Variants in ARHGAP20 observed in about 807,000 individuals in gnomAD.
ARHGAP20 encodes rho GTPase-activating protein 20.
A neutral mutation model predicts 73.7 loss-of-function variants in ARHGAP20; 34 were observed. That is an observed-to-expected ratio of 0.46 (90% CI 0.35 to 0.61). ARHGAP20 has a LOEUF of 0.61. Among genes scored for constraint, ARHGAP20 ranks in the 20% least tolerant of loss-of-function variants. ARHGAP20 has a pLI of 0.00. For synonymous variants in ARHGAP20, 523 were observed against 518.2 expected, an observed-to-expected ratio of 1.01 and a Z score of -0.13; for missense variants, 1,314 against 1,420.9, an observed-to-expected ratio of 0.92 and a Z score of 1.21.
At chr11:110,657,163 C>A (rs1313486102) in intron 2 of ARHGAP20, among the ~76,000 whole-genome samples, 1 of 152,160 alleles carries the variant, frequency 6.6e-6, no homozygotes, top group East Asian at 1.9e-4. Context: ...AGGAAAGCAG[C>A]AGTTTTTAGC....
chr11:110,630,492 G>A, intron 3 of ARHGAP20, 136 bp downstream of exon 3: 1 of 893,992 alleles, frequency 1.1e-6, no homozygotes, highest in Non-Finnish European at 1.7e-6. Flanking sequence ...TGCAATGAAG[G>A]GCATAAAATC....
chr11:110,657,920 G>GAGGAAGGAAGGAAGGAAGGAAGGAAGGA (rs3044293), intron 2 of ARHGAP20, among the ~76,000 whole-genome samples: 1 of 134,056 alleles, frequency 7.5e-6, no homozygotes, highest in Non-Finnish European at 1.6e-5. Flanking sequence ...AAAAGAGAGA[G>GAGGAAGGAAGGAAGGAAGGAAGGAAGGA]AGGAAGGAAG....
At chr11:110,584,856 TGTGAATATATAA>T (rs945974736) in intron 12 of ARHGAP20, among the ~76,000 whole-genome samples, 2 of 151,048 alleles carry the variant, frequency 1.3e-5, no homozygotes, top group African/African-American at 2.4e-5. Flanking sequence ...TATATATATA[TGTGAATATATAA>T]ATGAATATAT....
chr11:110,694,145 T>C (rs1950293114), intron 1 of ARHGAP20, among the ~76,000 whole-genome samples: 1 of 151,874 alleles, frequency 6.6e-6, no homozygotes, highest in African/African-American at 2.4e-5. Flanking sequence ...AAGAATTTTA[T>C]GTGAGCTAAG....
intron 7 of ARHGAP20, 66 bp from the exon 8 acceptor site, chr11:110,609,116 T>A: frequency 3.4e-6 from 1 of 296,444 alleles, no homozygotes; most frequent in Non-Finnish European, 4.8e-6. Flanking sequence ...TGAGGACACA[T>A]TTTTTTTTTT....
At chr11:110,657,201 G>A (rs77413839) in intron 2 of ARHGAP20, among the ~76,000 whole-genome samples, 2,558 of 152,068 alleles carry the variant, frequency 0.017, 75 homozygotes, top group African/African-American at 0.058. Context: ...TCAATCCTTG[G>A]TCCTTTAAAA....
intron 1 of ARHGAP20, chr11:110,711,899 A>T (rs1041206841): frequency 7.8e-7 from 1 of 1,279,220 alleles, no homozygotes; most frequent in African/African-American, 1.5e-5. Flanking sequence ...TCGAGGAGAG[A>T]CTAAGGCTCT....
chr11:110,577,162 C>G lies in ARHGAP20; in HGVS notation c.*2208G>C. On this transcript the variant is annotated 3_prime_UTR_variant, in exon 15 of 15. Transcript: ENST00000683387. ...AAGTTAGCAGCAGTTTCTGCAAGTACAAAAATACACATTTATTACATAACA... is the reference window on the plus strand; with the variant it reads ...AAGTTAGCAGCAGTTTCTGCAAGTAGAAAAATACACATTTATTACATAACA... The G allele has an allele frequency of 6.5e-7, 1 of 1,533,878 alleles. No individual in the cohort carries two copies. Among genetic ancestry groups the G allele is most frequent in the South Asian group, 1.2e-5 (1 of 83,616 alleles).
Position 110,712,177 on chromosome 11 carries a change from AG to A in ARHGAP20, c.54del (p.Ser19LeufsTer3). 1 of 1,368,126 alleles carries A rather than the reference AG, an allele frequency of 7.3e-7. No homozygotes were observed. Among genetic ancestry groups the A allele is most frequent in the Non-Finnish European group, 9.5e-7 (1 of 1,055,024 alleles). The allele number at this position is 1,368,126 out of a possible 1,614,324, so 84.7% of individuals were successfully genotyped here. A position where few individuals can be genotyped will look rare whatever the true frequency, so the allele number is the denominator to read the frequency against. On this transcript the variant is annotated frameshift_variant, in exon 1 of 15. Coordinates refer to ENST00000683387, the MANE Select transcript of ARHGAP20 (RefSeq NM_001384657.1). LOFTEE classifies it high-confidence loss of function. ...QETLGGQPGR[S>X]SSLTGVSRLA... ...AGCCGAGACACTCCTGTCAGGGAAG[AG>A]GAGCGCCCCGGCTGTCCCCCTAGAG...
At chr11:110,690,470 T>C (rs572651424) in intron 2 of ARHGAP20, 77 bp downstream of exon 2, 5 of 1,360,334 alleles carry the variant, frequency 3.7e-6, no homozygotes, top group South Asian at 2.4e-5. Context: ...TTAAAGAATA[T>C]GTGATCTGAA....
intron 9 of ARHGAP20, among the ~76,000 whole-genome samples, chr11:110,604,446 G>T (rs1163812491): frequency 6.6e-6 from 1 of 152,136 alleles, no homozygotes; most frequent in African/African-American, 2.4e-5. Context: ...AGCAAAACTG[G>T]TTAAAACCCT....
chr11:110,674,619 A>G (rs1254937555), intron 2 of ARHGAP20, among the ~76,000 whole-genome samples: 1 of 152,096 alleles, frequency 6.6e-6, no homozygotes, highest in African/African-American at 2.4e-5. Context: ...AGAAATCCCC[A>G]AGATTTCTCA....
At chr11:110,582,111 T>A (rs1434266257) in intron 14 of ARHGAP20, among the ~76,000 whole-genome samples, 1 of 152,176 alleles carries the variant, frequency 6.6e-6, no homozygotes, top group Non-Finnish European at 1.5e-5. Context: ...AATCTCTATA[T>A]AGTTCTTAAT....
intron 7 of ARHGAP20, 24 bp downstream of exon 7, chr11:110,611,285 A>G (rs745853748): frequency 1.4e-6 from 2 of 1,424,208 alleles, no homozygotes; most frequent in Non-Finnish European, 1.9e-6. Flanking sequence ...TTTTTAATTA[A>G]GAATGTCTAG....
chr11:110,625,282 C>A (rs907478511), intron 3 of ARHGAP20, among the ~76,000 whole-genome samples: 7 of 151,594 alleles, frequency 4.6e-5, no homozygotes, highest in Non-Finnish European at 8.8e-5. Context: ...CATGATCCAC[C>A]CGCCTCGGCC....
chr11:110,577,082 A>ATAT lies in ARHGAP20; in HGVS notation c.*2287_*2288insATA. 3 of 1,514,182 alleles carry ATAT rather than the reference A, an allele frequency of 2.0e-6. No homozygotes were observed. The South Asian group carries it at 3.7e-5, about 19-fold the overall frequency. 93.8% of individuals were successfully genotyped at this position (1,514,182 alleles called of 1,614,324 possible). On this transcript the variant is annotated 3_prime_UTR_variant, in exon 15 of 15. Coordinates refer to ENST00000683387, the MANE Select transcript of ARHGAP20 (RefSeq NM_001384657.1). ...CAGAATGGCATTTTATTTAACAGAC[A>ATAT]GCATGGACTTCATACATATCCATTA...
At chr11:110,660,061 C>CAAAAAAAAAAAAAAAAAAAAAAAAA (rs746439426) in intron 2 of ARHGAP20, among the ~76,000 whole-genome samples, 1 of 69,248 alleles carries the variant, frequency 1.4e-5, no homozygotes. Flanking sequence ...TAATAAAAAA[C>CAAAAAAAAAAAAAAAAAAAAAAAAA]AAAAAAAAAA....
rs147474902 is a variant in ARHGAP20, at chr11:110,649,713, A to G, written c.189-18921T>C. On this transcript the variant is annotated intron_variant, in intron 2 of 14. Transcript: ENST00000683387. Reference sequence around the variant, plus strand: ...AGAATAAAAAGATGTGTGATATGCTAAAAGTTCACAAAGCTACTTATTGCA... The same window carrying G: ...AGAATAAAAAGATGTGTGATATGCTGAAAGTTCACAAAGCTACTTATTGCA... Among the ~76,000 whole-genome samples the G allele has an allele frequency of 4.6e-5, 7 of 152,284 alleles. No individual in the cohort carries two copies. The East Asian group carries it at 1.4e-3, about 29-fold the overall frequency.
Position 110,579,224 on chromosome 11 carries a change from G to C in ARHGAP20, c.*146C>G. 7.4e-7 allele frequency: 1 copy of C among 1,353,916 alleles called. No homozygotes were observed. The highest frequency in any genetic ancestry group is 2.5e-5 in the East Asian group (1 of 39,930). 83.9% of individuals were successfully genotyped at this position (1,353,916 alleles called of 1,614,324 possible). A position where few individuals can be genotyped will look rare whatever the true frequency, so the allele number is the denominator to read the frequency against. On this transcript the variant is annotated 3_prime_UTR_variant, in exon 15 of 15. Coordinates refer to ENST00000683387, the MANE Select transcript of ARHGAP20 (RefSeq NM_001384657.1). Reference sequence around the variant, plus strand: ...GTATTTGTCAAGTAGTCTCAATAAAGAGAATTATTTCGTTGTCCTAAGTAT... The same window carrying C: ...GTATTTGTCAAGTAGTCTCAATAAACAGAATTATTTCGTTGTCCTAAGTAT...
Sources: allele counts gnomAD v4.1 joint callset (sites outside exome capture counted in the v4.1 genomes callset), GRCh38; gene constraint gnomAD v4.1.1; transcripts MANE v1.5; gene names NCBI Gene and HGNC (gene_info 2026-07-23, HGNC 2026-07-21).